Variants in PIBF1 observed in about 807,000 individuals in gnomAD.
The protein encoded by PIBF1 is progesterone immunomodulatory binding factor 1.
A neutral mutation model predicts 112.5 loss-of-function variants in PIBF1; 90 were observed. That is an observed-to-expected ratio of 0.80 (90% CI 0.67 to 0.95). The LOEUF is 0.95. Ranked by LOEUF, PIBF1 falls within the 40% of genes least tolerant of loss-of-function variation. The pLI is 0.00. For synonymous variants in PIBF1, 301 were observed against 288.6 expected (o/e 1.04, Z -0.44); for missense variants, 915 against 852.3 (o/e 1.07, Z -0.92).
chr13:72,975,752 A>G (rs919718546), intron 16 of PIBF1, among the ~76,000 whole-genome samples: 1 of 152,206 alleles, frequency 6.6e-6, no homozygotes, highest in Non-Finnish European at 1.5e-5. Context: ...GACCTTATCC[A>G]TCACCGCTGC....
chr13:72,895,006 C>T (rs2040221027), intron 11 of PIBF1, among the ~76,000 whole-genome samples: 1 of 147,930 alleles, frequency 6.8e-6, no homozygotes. Flanking sequence ...CACCTGTAGT[C>T]CCAGCTACTT....
chr13:72,911,676 G>A (rs1011981875), intron 12 of PIBF1, among the ~76,000 whole-genome samples: 4 of 152,038 alleles, frequency 2.6e-5, no homozygotes, highest in Non-Finnish European at 5.9e-5. Flanking sequence ...GAAATGAATA[G>A]CCAAGCCACA....
rs1591145 is a variant in PIBF1, at chr13:72,953,257, T to A, written c.1834-12017T>A. ...GACTTTCCCCCTATGAGCCCAGCACTGCACCTGTGCCTCTGATGAAAAACA... is the reference window on the plus strand; with the variant it reads ...GACTTTCCCCCTATGAGCCCAGCACAGCACCTGTGCCTCTGATGAAAAACA... On this transcript the variant is annotated intron_variant, in intron 14 of 17. Coordinates refer to ENST00000326291, the MANE Select transcript of PIBF1 (RefSeq NM_006346.4). Among the ~76,000 whole-genome samples the A allele has an allele frequency of 9.2e-5, 14 of 152,180 alleles. No individual in the cohort carries two copies. In the East Asian group the frequency reaches 1.7e-3, roughly 19 times the overall value.
chr13:72,911,506 T>C (rs923067588), intron 12 of PIBF1, among the ~76,000 whole-genome samples: 4 of 152,112 alleles, frequency 2.6e-5, no homozygotes, highest in African/African-American at 9.7e-5. Context: ...GCTAAAACTA[T>C]AAATATGTAA....
intron 11 of PIBF1, among the ~76,000 whole-genome samples, chr13:72,902,004 A>ATGTGTGTGTGTGTGTGTGTGTGTGTGTG (rs1206491287): frequency 1.3e-3 from 41 of 31,348 alleles, no homozygotes; most frequent in Admixed American, 2.1e-3. Context: ...GTGTGTATGT[A>ATGTGTGTGTGTGTGTGTGTGTGTGTGTG]TATGTGTGTG....
At chr13:72,823,907 T>C (rs996287314) in intron 6 of PIBF1, among the ~76,000 whole-genome samples, 7 of 152,140 alleles carry the variant, frequency 4.6e-5, no homozygotes, top group African/African-American at 1.7e-4. Flanking sequence ...AGGATTTGGG[T>C]GCTATGGTCA....
chr13:72,958,324 A>G (rs954491926), intron 14 of PIBF1, among the ~76,000 whole-genome samples: 20 of 151,648 alleles, frequency 1.3e-4, no homozygotes, highest in African/African-American at 4.8e-4. Flanking sequence ...AAAAAAAAAA[A>G]AAAAAAAAAG....
At chr13:73,009,997 G>A (rs1306086880) in intron 17 of PIBF1, among the ~76,000 whole-genome samples, 4 of 152,090 alleles carry the variant, frequency 2.6e-5, no homozygotes, top group African/African-American at 7.2e-5. Flanking sequence ...CATAGTAGTA[G>A]TAAAAAGTTT....
At chr13:72,990,517 T>C (rs1594328719) in intron 16 of PIBF1, among the ~76,000 whole-genome samples, 2 of 128,838 alleles carry the variant, frequency 1.6e-5, no homozygotes, top group East Asian at 4.5e-4. Context: ...CAAGACTCCA[T>C]CTCTCCATCT....
rs560075738 is a variant in PIBF1 at position 72,858,144 on chromosome 13, C to T, written c.1322+3989C>T. Among the ~76,000 whole-genome samples the T allele has an allele frequency of 5.3e-5, 8 of 152,000 alleles. No homozygotes were observed. In the South Asian group the frequency reaches 1.2e-3, roughly 24 times the overall value. On this transcript the variant is annotated intron_variant, in intron 10 of 17. Transcript: ENST00000326291. ...TCTGCTCGCTGCAGCCTCTGCCTCCCGGGTTCAAGTGATTCTCGTGCTTCA... is the reference window on the plus strand; with the variant it reads ...TCTGCTCGCTGCAGCCTCTGCCTCCTGGGTTCAAGTGATTCTCGTGCTTCA...
chr13:72,810,046 T>C (rs1176243664), intron 5 of PIBF1, among the ~76,000 whole-genome samples: 1 of 152,258 alleles, frequency 6.6e-6, no homozygotes, highest in Non-Finnish European at 1.5e-5. Context: ...GGCTCATCTT[T>C]TACTTCAAGT....
At chr13:72,989,382 G>T (rs935913714) in intron 16 of PIBF1, among the ~76,000 whole-genome samples, 7 of 147,590 alleles carry the variant, frequency 4.7e-5, no homozygotes, top group Admixed American at 1.4e-4. Context: ...CCATGCAGTG[G>T]AATATGATTT....
In PIBF1 at chr13:72,871,018, A is replaced by T. The variant is rs371050161; in HGVS notation, c.1322+16863A>T. Among the ~76,000 whole-genome samples the T allele has an allele frequency of 8.5e-5, 13 of 152,068 alleles. No homozygotes were observed. The East Asian group carries it at 1.3e-3, about 16-fold the overall frequency. On this transcript the variant is annotated intron_variant, in intron 10 of 17. Transcript: ENST00000326291. Reference sequence around the variant, plus strand: ...ATTAGCTTGGCAGTAATATATGTATATATATTTATGGTAATTCAAGATGCC... The same window carrying T: ...ATTAGCTTGGCAGTAATATATGTATTTATATTTATGGTAATTCAAGATGCC...
intron 14 of PIBF1, among the ~76,000 whole-genome samples, chr13:72,954,662 A>C (rs2138868300): frequency 6.6e-6 from 1 of 152,220 alleles, no homozygotes; most frequent in South Asian, 2.1e-4. Context: ...TTGCTGTGGG[A>C]GTGTGTGTTC....
chr13:72,822,726 G>A (rs1377889704), intron 6 of PIBF1, among the ~76,000 whole-genome samples: 4 of 152,180 alleles, frequency 2.6e-5, no homozygotes, highest in Non-Finnish European at 5.9e-5. Flanking sequence ...TTTAAATTGT[G>A]TAATTTAAAT....
chr13:72,842,319 A>ATGCAG (rs1250029045), intron 9 of PIBF1, among the ~76,000 whole-genome samples: 3 of 152,224 alleles, frequency 2.0e-5, no homozygotes, highest in Non-Finnish European at 4.4e-5. Flanking sequence ...GATGCTCTTG[A>ATGCAG]TGCAGTACAG....
At position 72,864,547 on chromosome 13, in the gene PIBF1, G is replaced by A. The variant is rs1215755008; in HGVS notation, c.1322+10392G>A. Among the ~76,000 whole-genome samples, 7 of 152,216 alleles carry A rather than the reference G, an allele frequency of 4.6e-5. No homozygotes were observed. The East Asian group carries it at 7.7e-4, about 17-fold the overall frequency. On this transcript the variant is annotated intron_variant, in intron 10 of 17. Transcript: ENST00000326291. ...AAGTAAGAGTGAGTTGTGTGTGTGC[G>A]CATGTGCGTGCATGTGTGTGTGTTC... is the stretch of plus-strand genomic sequence containing the variant.
intron 10 of PIBF1, among the ~76,000 whole-genome samples, chr13:72,870,286 A>C (rs1664475954): frequency 6.6e-6 from 1 of 152,158 alleles, no homozygotes; most frequent in African/African-American, 2.4e-5. Context: ...CAAATGTTTA[A>C]TGTTGCTTGC....
chr13:72,818,870 A>G (rs1241700939), intron 5 of PIBF1, among the ~76,000 whole-genome samples: 1 of 152,044 alleles, frequency 6.6e-6, no homozygotes, highest in Non-Finnish European at 1.5e-5. Context: ...AATTGGTCGT[A>G]ATTCTATTAT....
Sources: allele counts gnomAD v4.1 joint callset (sites outside exome capture counted in the v4.1 genomes callset), GRCh38; gene constraint gnomAD v4.1.1; transcripts MANE v1.5; gene names NCBI Gene and HGNC (gene_info 2026-07-23, HGNC 2026-07-21).